The following RAB11A variants were observed in gnomAD, a reference collection of about 807,000 sequenced individuals.
RAB11A encodes the protein RAB11A, member RAS oncogene family.
A neutral mutation model predicts 28.0 loss-of-function variants in RAB11A; 9 were observed. The ratio of observed to expected loss-of-function variants is 0.32; its 90% CI spans 0.19 to 0.56. The LOEUF is 0.56. Among genes scored for constraint, RAB11A ranks in the 20% least tolerant of loss-of-function variants. RAB11A has a pLI of 0.91. For missense variants in RAB11A, 108 were observed against 269.6 expected (o/e 0.40, Z 4.20); for synonymous variants, 85 against 88.2 (o/e 0.96, Z 0.20).
At chr15:65,869,911 T>G in intron 1 of RAB11A, 1 of 310,906 alleles carries the variant, frequency 3.2e-6, no homozygotes, top group South Asian at 1.2e-4. Context: ...CATCGTCGAA[T>G]TCCTTTCCCC....
Position 65,869,511 on chromosome 15 carries a change from G to A in RAB11A, c.-75G>A. 1 of 1,566,552 alleles carries A rather than the reference G, an allele frequency of 6.4e-7. No homozygotes were observed. Among genetic ancestry groups the A allele is most frequent in the Non-Finnish European group, 8.6e-7 (1 of 1,156,760 alleles). ...CCGGCAGTTGAAGCTCGGCGCTCGG[G>A]TTACCCCTGCAGCGACGCCCCCTGG... is the stretch of plus-strand genomic sequence containing the variant. On this transcript the variant is annotated 5_prime_UTR_variant, in exon 1 of 5. Coordinates refer to ENST00000261890, the MANE Select transcript of RAB11A (RefSeq NM_004663.5).
chr15:65,873,658 A>C (rs2078176448), intron 1 of RAB11A, among the ~76,000 whole-genome samples: 2 of 151,604 alleles, frequency 1.3e-5, no homozygotes, highest in South Asian at 4.2e-4. Flanking sequence ...TGCTCAAGAA[A>C]TCCTCCTGCC....
chr15:65,877,747 T>A lies in RAB11A; in HGVS notation c.237-15T>A, dbSNP rs760942934. ...TCTTGTGGTTTTCTGATACTAAATA[T>A]GTTTCTGTTTTCAGATATTATCGTG... On this transcript the variant is annotated splice_polypyrimidine_tract_variant and intron_variant, in intron 2 of 4. Transcript: ENST00000261890. The surrounding 1 kb of genome is among the most constrained non-coding windows in gnomAD (Gnocchi z 4.1). 1 of 1,559,644 alleles carries A rather than the reference T, an allele frequency of 6.4e-7. No individual in the cohort carries two copies. The highest frequency in any genetic ancestry group is 1.2e-5 in the South Asian group (1 of 85,506).
chr15:65,879,979 T>C (rs2078212504), intron 4 of RAB11A, among the ~76,000 whole-genome samples: 1 of 152,242 alleles, frequency 6.6e-6, no homozygotes, highest in South Asian at 2.1e-4. Context: ...TTGAAAATAA[T>C]TCATTCACTT....
At chr15:65,871,089 G>T (rs549681263) in intron 1 of RAB11A, among the ~76,000 whole-genome samples, 1 of 152,184 alleles carries the variant, frequency 6.6e-6, no homozygotes, top group Non-Finnish European at 1.5e-5. Flanking sequence ...TTTCAAGAGT[G>T]TTAAGCATGG....
rs1438508910 is a variant in RAB11A, at chr15:65,889,106, C to G, written c.*1266C>G. ...TCTCGTGGATAATATTAAGCACTTACTCTGCAGTTTCCTGGAAGTTGTGTC... is the reference window on the plus strand; with the variant it reads ...TCTCGTGGATAATATTAAGCACTTAGTCTGCAGTTTCCTGGAAGTTGTGTC... On this transcript the variant is annotated 3_prime_UTR_variant, in exon 5 of 5. Transcript: ENST00000261890. 1 of 152,674 alleles carries G rather than the reference C, an allele frequency of 6.5e-6. No homozygotes were observed. The highest frequency in any genetic ancestry group is 1.5e-5 in the Non-Finnish European group (1 of 68,044). 9.5% of individuals were successfully genotyped at this position (152,674 alleles called of 1,614,324 possible).
At chr15:65,883,447 T>G (rs1254160352) in intron 4 of RAB11A, among the ~76,000 whole-genome samples, 1 of 152,246 alleles carries the variant, frequency 6.6e-6, no homozygotes, top group East Asian at 1.9e-4. Flanking sequence ...AGAAGTGTTC[T>G]CAGTGCATCA....
intron 4 of RAB11A, among the ~76,000 whole-genome samples, chr15:65,884,188 T>C (rs905735756): frequency 6.6e-6 from 1 of 152,116 alleles, no homozygotes; most frequent in African/African-American, 2.4e-5. Flanking sequence ...TATTTAGATT[T>C]TGTTTCAATG....
At chr15:65,872,468 CTT>C (rs1464060213) in intron 1 of RAB11A, among the ~76,000 whole-genome samples, 2 of 142,246 alleles carry the variant, frequency 1.4e-5, no homozygotes, top group African/African-American at 5.2e-5. Context: ...GTATTTCGCT[CTT>C]GTTTCCCAGG....
In RAB11A at chr15:65,869,510, G is replaced by C. The variant is rs1395406293; in HGVS notation, c.-76G>C. On this transcript the variant is annotated 5_prime_UTR_variant, in exon 1 of 5. Transcript: ENST00000261890. ...TCCGGCAGTTGAAGCTCGGCGCTCG[G>C]GTTACCCCTGCAGCGACGCCCCCTG... is the stretch of plus-strand genomic sequence containing the variant. The C allele has an allele frequency of 7.0e-6, 11 of 1,565,322 alleles. No individual in the cohort carries two copies. Among genetic ancestry groups the C allele is most frequent in the Non-Finnish European group, 8.6e-6 (10 of 1,156,116 alleles).
chr15:65,883,019 C>T (rs1372683893), intron 4 of RAB11A, among the ~76,000 whole-genome samples: 1 of 152,146 alleles, frequency 6.6e-6, no homozygotes, highest in Non-Finnish European at 1.5e-5. Flanking sequence ...ATTTTTTCGG[C>T]ACCATGTGAG....
rs2078265772 is a variant in RAB11A at position 65,888,119 on chromosome 15, CTG to C, written c.*281_*282del. On this transcript the variant is annotated 3_prime_UTR_variant, in exon 5 of 5. Coordinates refer to ENST00000261890, the MANE Select transcript of RAB11A (RefSeq NM_004663.5). The stretch of plus-strand genomic sequence containing the variant: ...TACTTTTCATCATGGAAGCCTGTCA[CTG>C]TATGTAGGACATAATAGAACTTGAT... The C allele has an allele frequency of 3.2e-6, 1 of 309,016 alleles. No individual in the cohort carries two copies. The highest frequency in any genetic ancestry group is 5.0e-5 in the Admixed American group (1 of 19,972). The allele number at this position is 309,016 out of a possible 1,614,324, so 19.1% of individuals were successfully genotyped here.
intron 4 of RAB11A, among the ~76,000 whole-genome samples, chr15:65,885,916 G>T (rs2078253185): frequency 6.6e-6 from 1 of 152,234 alleles, no homozygotes; most frequent in Non-Finnish European, 1.5e-5. Context: ...AAGGAATTCT[G>T]TTGAGGGGAT....
At chr15:65,870,655 C>A (rs1343664177) in intron 1 of RAB11A, among the ~76,000 whole-genome samples, 2 of 152,194 alleles carry the variant, frequency 1.3e-5, no homozygotes, top group African/African-American at 2.4e-5. Flanking sequence ...CCTGCTGCAA[C>A]GCTGGGAGGA....
intron 4 of RAB11A, among the ~76,000 whole-genome samples, chr15:65,881,874 C>T (rs75718501): frequency 9.5e-5 from 11 of 115,676 alleles, no homozygotes; most frequent in African/African-American, 3.8e-4. Flanking sequence ...AAAACCCTGT[C>T]TCTAAAAAAA....
chr15:65,887,069 C>A (rs558143163), intron 4 of RAB11A, among the ~76,000 whole-genome samples: 2 of 151,682 alleles, frequency 1.3e-5, no homozygotes. Flanking sequence ...TGTGTGTAGG[C>A]AATTTTTGTT....
At chr15:65,870,426 C>G (rs2078152637) in intron 1 of RAB11A, among the ~76,000 whole-genome samples, 1 of 152,206 alleles carries the variant, frequency 6.6e-6, no homozygotes, top group African/African-American at 2.4e-5. Flanking sequence ...TCGCAGTGAC[C>G]CGGCAGGCTG....
At chr15:65,880,955 C>T (rs1426511214) in intron 4 of RAB11A, among the ~76,000 whole-genome samples, 3 of 152,062 alleles carry the variant, frequency 2.0e-5, no homozygotes, top group Admixed American at 6.6e-5. Flanking sequence ...TGTCACTGCC[C>T]TAGACTTCAA....
chr15:65,878,573 G>T (rs1267444148), intron 3 of RAB11A, among the ~76,000 whole-genome samples: 1 of 152,182 alleles, frequency 6.6e-6, no homozygotes, highest in Non-Finnish European at 1.5e-5. Context: ...CAGCTACTCG[G>T]GAGGCTGAGG....
Sources: allele counts gnomAD v4.1 joint callset (sites outside exome capture counted in the v4.1 genomes callset), GRCh38; gene constraint gnomAD v4.1.1; non-coding constraint Gnocchi (gnomAD v3.1); transcripts MANE v1.5; gene names NCBI Gene and HGNC (gene_info 2026-07-23, HGNC 2026-07-21).